TMEM131L: variants seen among roughly 807,000 people sequenced by gnomAD.
The protein encoded by TMEM131L is transmembrane 131 like, also known as transmembrane protein 131-like.
TMEM131L carries 54 observed loss-of-function variants against 192.2 expected under a neutral mutation model. That is an observed-to-expected ratio of 0.28 (90% confidence interval 0.23 to 0.35). The LOEUF (loss-of-function observed/expected upper bound fraction) is 0.35, where lower values mean the gene tolerates loss of function less well. Ranked by LOEUF, TMEM131L falls within the 10% of genes least tolerant of loss-of-function variation. The pLI is 1.00. For synonymous variants in TMEM131L, 701 were observed against 704.9 expected (o/e 0.99, Z 0.09); for missense variants, 1,888 against 1,972.9 (o/e 0.96, Z 0.82).
rs1299947812 is a variant in TMEM131L at position 153,623,074 on chromosome 4, C to T, written c.4036C>T (p.Leu1346=). 2.5e-6 allele frequency: 4 copies of T among 1,602,150 alleles called. No individual in the cohort carries two copies. In the African/African-American group the frequency reaches 4.0e-5, roughly 16 times the overall value. ...KKPMVDAQHF[L]PAGDSVSQND... ...GCCCATGGTGGACGCCCAGCACTTCCTGCCGGCCGGTGAGTCCTGAGCAGA... is the reference window on the plus strand; with the variant it reads ...GCCCATGGTGGACGCCCAGCACTTCTTGCCGGCCGGTGAGTCCTGAGCAGA... The change falls in exon 29 of 35, where the codon CTG becomes TTG. Residue 1346 remains leucine, a synonymous_variant. Coordinates refer to ENST00000409959, the MANE Select transcript of TMEM131L (RefSeq NM_001131007.2).
At chr4:153,554,305 A>G (rs1001789645) in intron 4 of TMEM131L, 3 of 152,234 alleles carry the variant, frequency 2.0e-5, no homozygotes, top group Non-Finnish European at 4.4e-5. Flanking sequence ...GTATTACTTA[A>G]GAACACTTTG....
chr4:153,583,848 A>T (rs1435166780), intron 11 of TMEM131L, among the ~76,000 whole-genome samples, 176 bp downstream of exon 11: 1 of 152,224 alleles, frequency 6.6e-6, no homozygotes, highest in African/African-American at 2.4e-5. Flanking sequence ...ACTATTGTTG[A>T]TGCCACTTTT....
At chr4:153,514,293 A>C (rs186589833) in intron 3 of TMEM131L, among the ~76,000 whole-genome samples, 1 of 152,376 alleles carries the variant, frequency 6.6e-6, no homozygotes, top group Admixed American at 6.5e-5. Flanking sequence ...CATGCTCTGT[A>C]GCAGGACCAG....
rs567928127 is a variant in TMEM131L, at chr4:153,555,514, G to T, written c.309-273G>T. 3.9e-5 allele frequency among the ~76,000 whole-genome samples: 6 copies of T among 152,146 alleles called. No homozygotes were observed. The highest frequency in any genetic ancestry group is 1.4e-4 in the African/African-American group (6 of 41,512). The stretch of plus-strand genomic sequence containing the variant: ...TTGCAAGCATTTTAATGGCCTAGAT[G>T]GGTTAAATTTTTCTAACACTGAAAC... On this transcript the variant is annotated intron_variant, in intron 4 of 34. Transcript: ENST00000409959. This position sits in a 1 kb window ranked among gnomAD's most constrained non-coding sequence, Gnocchi z 4.1.
chr4:153,476,342 T>A (rs759883795), intron 3 of TMEM131L, among the ~76,000 whole-genome samples: 4 of 152,184 alleles, frequency 2.6e-5, no homozygotes, highest in African/African-American at 4.8e-5. Flanking sequence ...ACCTGAAATT[T>A]CAATTTATAT....
chr4:153,589,712 T>C (rs1730940451), intron 16 of TMEM131L, among the ~76,000 whole-genome samples: 2 of 152,234 alleles, frequency 1.3e-5, no homozygotes, highest in Non-Finnish European at 2.9e-5. Context: ...TGATCGATAC[T>C]TCTCTCCAGC....
rs1271940497 is a variant in TMEM131L, at chr4:153,610,792, T to A, written c.3419-1460T>A. Among the ~76,000 whole-genome samples, 3 of 152,200 alleles carry A rather than the reference T, an allele frequency of 2.0e-5. No homozygotes were observed. The East Asian group carries it at 5.8e-4, about 29-fold the overall frequency. ...CCTGCCTCAAGTCCCACAGAAGGGC[T>A]GGATTGGAGCCTCTGCTGGTAATCT... On this transcript the variant is annotated intron_variant, in intron 25 of 34. Coordinates refer to ENST00000409959, the MANE Select transcript of TMEM131L (RefSeq NM_001131007.2).
rs1335680094 is a variant in TMEM131L, at chr4:153,585,613, TAC to T, written c.1311+4_1311+5del. Reference sequence around the variant, plus strand: ...AAGGAGACCAAGCACATGTTAAAGGTACATATAGTATTTTTTCCCCAAGTTTT... The same window carrying T: ...AAGGAGACCAAGCACATGTTAAAGGTATATAGTATTTTTTCCCCAAGTTTT... On this transcript the variant is annotated splice_donor_region_variant and intron_variant, in intron 13 of 34. Transcript: ENST00000409959. 1 of 1,590,606 alleles carries T rather than the reference TAC, an allele frequency of 6.3e-7. No homozygotes were observed. The highest frequency in any genetic ancestry group is 2.3e-5 in the East Asian group (1 of 43,926).
At position 153,620,794 on chromosome 4, in the gene TMEM131L, A is replaced by G. The variant is rs1418632488; in HGVS notation, c.3606A>G (p.Lys1202=). 6.3e-7 allele frequency: 1 copy of G among 1,577,878 alleles called. No individual in the cohort carries two copies. The highest frequency in any genetic ancestry group is 1.4e-5 in the African/African-American group (1 of 73,608). Residue 1202 remains lysine (K), a synonymous_variant, in exon 27 of 35, where the codon AAA becomes AAG. Transcript: ENST00000409959. ...ATAGGAAGAAAAAGCTTCAGGAGAA[A>G]AGAGAAGGAAATTTACAAAATTTAA... ...DPYRKKKLQE[K]REGNLQNLNW... is the part of the protein sequence containing the mutation.
At chr4:153,572,895 T>C (rs954792751) in intron 7 of TMEM131L, among the ~76,000 whole-genome samples, 1 of 152,206 alleles carries the variant, frequency 6.6e-6, no homozygotes, top group African/African-American at 2.4e-5. Flanking sequence ...GCAACCACTA[T>C]TCTACTTTCT....
intron 2 of TMEM131L, among the ~76,000 whole-genome samples, chr4:153,473,268 T>G (rs1337931605): frequency 6.6e-6 from 1 of 152,166 alleles, no homozygotes; most frequent in South Asian, 2.1e-4. Flanking sequence ...GTGAATGATA[T>G]GAGGAGACTG....
intron 31 of TMEM131L, among the ~76,000 whole-genome samples, chr4:153,631,344 G>A (rs1734194528): frequency 6.6e-6 from 1 of 152,190 alleles, no homozygotes; most frequent in South Asian, 2.1e-4. Context: ...ACATAAAGCT[G>A]AAATATAGGT....
chr4:153,558,407 C>A, intron 7 of TMEM131L, 39 bp downstream of exon 7: 1 of 1,271,640 alleles, frequency 7.9e-7, no homozygotes, highest in Non-Finnish European at 1.1e-6. Context: ...TGGTGGCCAC[C>A]AAACTTTGTA....
chr4:153,506,859 A>G (rs1054970241), intron 3 of TMEM131L, among the ~76,000 whole-genome samples: 14 of 150,144 alleles, frequency 9.3e-5, no homozygotes, highest in Non-Finnish European at 1.6e-4. Flanking sequence ...AAAAAAAAAA[A>G]AAGAAGAAAG....
chr4:153,467,208 C>T lies in TMEM131L; in HGVS notation c.125-3C>T, dbSNP rs370889989. ...CGTGGTGTATTTTTTGGTGTTCCTG[C>T]AGCGATTGAGCCGTTGCCGAACGTG... is the stretch of plus-strand genomic sequence containing the variant. On this transcript the variant is annotated splice_region_variant and splice_polypyrimidine_tract_variant and intron_variant, in intron 1 of 34. Coordinates refer to ENST00000409959, the MANE Select transcript of TMEM131L (RefSeq NM_001131007.2). The T allele has an allele frequency of 2.1e-5, 32 of 1,551,576 alleles. No individual in the cohort carries two copies. Among genetic ancestry groups the T allele is most frequent in the Non-Finnish European group, 2.8e-5 (32 of 1,146,940 alleles).
chr4:153,510,098 G>C (rs1734250877), intron 3 of TMEM131L, among the ~76,000 whole-genome samples: 1 of 152,160 alleles, frequency 6.6e-6, no homozygotes, highest in Non-Finnish European at 1.5e-5. Context: ...ATTTATGAAA[G>C]AATCTGTGTA....
chr4:153,494,213 G>A (rs541203385), intron 3 of TMEM131L, among the ~76,000 whole-genome samples: 44 of 152,242 alleles, frequency 2.9e-4, no homozygotes, highest in African/African-American at 9.1e-4. Context: ...AGTTGGCATC[G>A]CATATCAAGG....
chr4:153,506,843 C>CAA lies in TMEM131L; in HGVS notation c.239+32972_239+32973dup, dbSNP rs369133768. Among the ~76,000 whole-genome samples the CAA allele has an allele frequency of 8.7e-3, 769 of 88,194 alleles. 17 individuals are homozygous for CAA. Among genetic ancestry groups the CAA allele is most frequent in the East Asian group, 0.069 (212 of 3,094 alleles). The allele number at this position is 88,194 out of a possible 152,430, so 57.9% of individuals were successfully genotyped here. A position where few individuals can be genotyped will look rare whatever the true frequency, so the allele number is the denominator to read the frequency against. ...GGGTGACAGAGTGAGACTCTGTATC[C>CAA]AAAAAAAAAAAAAAAAAAGAAGAAA... is the stretch of plus-strand genomic sequence containing the variant. On this transcript the variant is annotated intron_variant, in intron 3 of 34. Coordinates refer to ENST00000409959, the MANE Select transcript of TMEM131L (RefSeq NM_001131007.2).
chr4:153,526,264 A>G lies in TMEM131L; in HGVS notation c.240-23809A>G, dbSNP rs144524882. Among the ~76,000 whole-genome samples, 558 of 152,272 alleles carry G rather than the reference A, an allele frequency of 3.7e-3. 5 individuals carry two copies. Among genetic ancestry groups the G allele is most frequent in the South Asian group, 0.016 (79 of 4,830 alleles). ...AGTTTGTGTAGGCCACACTTGGTCCACCTGTCCTCTCATCCACAGGCCTCT... is the reference window on the plus strand; with the variant it reads ...AGTTTGTGTAGGCCACACTTGGTCCGCCTGTCCTCTCATCCACAGGCCTCT... On this transcript the variant is annotated intron_variant, in intron 3 of 34. Coordinates refer to ENST00000409959, the MANE Select transcript of TMEM131L (RefSeq NM_001131007.2).
Sources: allele counts gnomAD v4.1 joint callset (sites outside exome capture counted in the v4.1 genomes callset), GRCh38; gene constraint gnomAD v4.1.1; non-coding constraint Gnocchi (gnomAD v3.1); transcripts MANE v1.5; gene names NCBI Gene and HGNC (gene_info 2026-07-23, HGNC 2026-07-21).